Variants in LRRC3B observed in about 807,000 individuals in gnomAD.
LRRC3B encodes the protein leucine rich repeat containing 3B, also known as leucine-rich repeat-containing protein 3B.
A neutral mutation model predicts 12.8 loss-of-function variants in LRRC3B; 2 were observed. The ratio of observed to expected loss-of-function variants is 0.16; its 90% CI spans 0.06 to 0.49. The LOEUF (loss-of-function observed/expected upper bound fraction) is 0.49. LRRC3B is among the 20% of genes least tolerant of loss of function. The probability of loss-of-function intolerance (pLI) is 0.96; values close to 1 mark genes in which losing one functional copy is unlikely to be tolerated. For missense variants in LRRC3B, 189 were observed against 319.4 expected, an observed-to-expected ratio of 0.59 and a Z score of 3.11; for synonymous variants, 132 against 122.0, an observed-to-expected ratio of 1.08 and a Z score of -0.54.
chr3:26,687,984 C>T (rs942979787), intron 1 of LRRC3B, among the ~76,000 whole-genome samples: 7 of 152,196 alleles, frequency 4.6e-5, no homozygotes, highest in African/African-American at 1.7e-4. Flanking sequence ...TTGTCAGATT[C>T]CTCCTTGCTT....
chr3:26,709,658 T>C lies in LRRC3B; in HGVS notation c.-15T>C, dbSNP rs1281412290. On this transcript the variant is annotated 5_prime_UTR_variant, in exon 2 of 2. It removes an upstream start codon present in the reference 5' UTR. Coordinates refer to ENST00000396641, the Ensembl canonical transcript of LRRC3B. ...TAGATGAGGAATGGGCTCGTGATTA[T>C]GCTGACATTCCAGCATGAATCTGGT... 4 of 1,610,132 alleles carry C rather than the reference T, an allele frequency of 2.5e-6. No individual in the cohort carries two copies. Among genetic ancestry groups the C allele is most frequent in the Non-Finnish European group, 1.7e-6 (2 of 1,177,372 alleles).
exon 2 of LRRC3B, chr3:26,710,450 T>C: frequency 6.3e-7 from 1 of 1,586,106 alleles, no homozygotes; most frequent in Non-Finnish European, 8.6e-7. Context: ...CACTGTGGTA[T>C]AGTGTCCAAA....
chr3:26,695,878 A>C (rs942238950), intron 1 of LRRC3B, among the ~76,000 whole-genome samples: 2 of 152,176 alleles, frequency 1.3e-5, no homozygotes, highest in Admixed American at 1.3e-4. Flanking sequence ...AAACCAGGAG[A>C]GGGCATTTCG....
rs147964956 is a variant in LRRC3B at position 26,661,181 on chromosome 3, G to A, written c.-161+37944G>A. On this transcript the variant is annotated intron_variant, in intron 1 of 1. Coordinates refer to ENST00000396641, the Ensembl canonical transcript of LRRC3B. ...ACATATTGGCTTCTGTTTAGGGGAA[G>A]GTCTTGTTCAAAGGGAATACAAAGT... Among the ~76,000 whole-genome samples the A allele has an allele frequency of 4.9e-3, 741 of 152,248 alleles. 4 individuals are homozygous for A. The highest frequency in any genetic ancestry group is 0.017 in the African/African-American group (687 of 41,554).
intron 1 of LRRC3B, among the ~76,000 whole-genome samples, chr3:26,685,517 C>CTA (rs1218331867): frequency 2.8e-4 from 15 of 53,506 alleles, no homozygotes; most frequent in East Asian, 6.6e-4. Context: ...CTCTCTCTCT[C>CTA]TCTCTCTATA....
chr3:26,671,402 A>AGAGAGAGAGAGAGAGAGAGAGAGAGAGG (rs1699741219), intron 1 of LRRC3B, among the ~76,000 whole-genome samples: 1 of 129,170 alleles, frequency 7.7e-6, no homozygotes. Context: ...AGAGAGAGAG[A>AGAGAGAGAGAGAGAGAGAGAGAGAGAGG]GAGAGAGAGA....
At chr3:26,652,338 C>CA (rs2125415681) in intron 1 of LRRC3B, among the ~76,000 whole-genome samples, 1 of 152,342 alleles carries the variant, frequency 6.6e-6, no homozygotes, top group African/African-American at 2.4e-5. Flanking sequence ...CTCCCGTTCT[C>CA]ACAGTCTCTG....
intron 1 of LRRC3B, among the ~76,000 whole-genome samples, chr3:26,643,044 A>ATT (rs200444067): frequency 2.0e-5 from 3 of 151,538 alleles, no homozygotes; most frequent in African/African-American, 7.3e-5. Context: ...TACCAGGAGC[A>ATT]TTCAAGTGTG....
Position 26,675,721 on chromosome 3 carries a change from G to A in LRRC3B, c.-160-33792G>A, listed in dbSNP as rs1027886026. On this transcript the variant is annotated intron_variant, in intron 1 of 1. Coordinates refer to ENST00000396641, the Ensembl canonical transcript of LRRC3B. ...CAGGTATCAATTAAATAATTACAGC[G>A]TAGTTAAAGGAAAATTGTTTTAAAT... Among the ~76,000 whole-genome samples, 14 of 152,184 alleles carry A rather than the reference G, an allele frequency of 9.2e-5. No individual in the cohort carries two copies. The East Asian group carries it at 1.2e-3, about 13-fold the overall frequency.
intron 1 of LRRC3B, among the ~76,000 whole-genome samples, chr3:26,691,095 G>A (rs1700180605): frequency 1.7e-5 from 1 of 58,538 alleles, no homozygotes; most frequent in Non-Finnish European, 3.3e-5. Flanking sequence ...GTGTATATGT[G>A]TGTGTGTGTG....
intron 1 of LRRC3B, among the ~76,000 whole-genome samples, chr3:26,684,138 C>T (rs141390029): frequency 1.4e-4 from 22 of 152,296 alleles, no homozygotes; most frequent in East Asian, 9.7e-4. Flanking sequence ...TTATTCTCCA[C>T]GTTTTTTAAA....
chr3:26,703,268 A>G lies in LRRC3B; in HGVS notation c.-160-6245A>G, dbSNP rs143963800. Among the ~76,000 whole-genome samples, 698 of 152,302 alleles carry G rather than the reference A, an allele frequency of 4.6e-3. 1 individual carries two copies. Among genetic ancestry groups the G allele is most frequent in the African/African-American group, 0.016 (649 of 41,566 alleles). ...TCTAAGCTCTATGATAGTCAATAAG[A>G]CTAATTTTGGGAATATTGCATTAAA... is the stretch of plus-strand genomic sequence containing the variant. On this transcript the variant is annotated intron_variant, in intron 1 of 1. Transcript: ENST00000396641.
At chr3:26,638,490 C>T (rs1698950956) in intron 1 of LRRC3B, among the ~76,000 whole-genome samples, 1 of 152,084 alleles carries the variant, frequency 6.6e-6, no homozygotes, top group African/African-American at 2.4e-5. Context: ...ACCTGTCAGA[C>T]CCTCAAGTTA....
At chr3:26,658,187 C>T (rs1418562419) in intron 1 of LRRC3B, among the ~76,000 whole-genome samples, 2 of 152,096 alleles carry the variant, frequency 1.3e-5, no homozygotes, top group African/African-American at 4.8e-5. Flanking sequence ...CGCCATTCTC[C>T]TGCCTCAGTC....
At chr3:26,655,171 A>G (rs559269434) in intron 1 of LRRC3B, among the ~76,000 whole-genome samples, 2 of 152,320 alleles carry the variant, frequency 1.3e-5, no homozygotes, top group Admixed American at 1.3e-4. Context: ...CCATAAAAAT[A>G]AAAATTGTTT....
intron 1 of LRRC3B, among the ~76,000 whole-genome samples, chr3:26,702,498 A>G (rs1042422132): frequency 6.6e-6 from 1 of 152,120 alleles, no homozygotes; most frequent in African/African-American, 2.4e-5. Flanking sequence ...GATAAATCTC[A>G]TATTTGTGGA....
intron 1 of LRRC3B, among the ~76,000 whole-genome samples, chr3:26,695,277 C>G (rs1410922008): frequency 6.6e-6 from 1 of 152,054 alleles, no homozygotes; most frequent in African/African-American, 2.4e-5. Flanking sequence ...CCTGTAATCC[C>G]AGCACTTTGG....
chr3:26,663,988 A>G (rs774121832), intron 1 of LRRC3B, among the ~76,000 whole-genome samples: 63 of 152,104 alleles, frequency 4.1e-4, no homozygotes, highest in Admixed American at 4.0e-3. Context: ...ATGTACTTTC[A>G]TGCTTAAAAC....
intron 1 of LRRC3B, among the ~76,000 whole-genome samples, chr3:26,686,053 T>C (rs994507510): frequency 8.5e-5 from 13 of 152,122 alleles, no homozygotes; most frequent in African/African-American, 2.2e-4. Context: ...TACCCCTTGC[T>C]TTGCCTAGGT....
Sources: gnomAD v4.1 joint callset for allele counts (sites outside exome capture counted in the v4.1 genomes callset) on GRCh38, gnomAD v4.1.1 for gene constraint, MANE v1.5 for transcripts, NCBI Gene and HGNC (gene_info 2026-07-23, HGNC 2026-07-21) for gene names.